Variants in MKRN2 observed in about 807,000 individuals in gnomAD.
MKRN2 encodes E3 ubiquitin-protein ligase makorin-2.
Under a neutral mutation model 45.4 loss-of-function variants are expected in MKRN2, and 32 were observed. That is an observed-to-expected ratio of 0.70 (90% CI 0.53 to 0.95). The LOEUF (loss-of-function observed/expected upper bound fraction) is 0.95. Among genes scored for constraint, MKRN2 ranks in the 40% least tolerant of loss-of-function variants. MKRN2 has a pLI of 0.00. For synonymous variants in MKRN2, 206 were observed against 192.4 expected (o/e 1.07, Z -0.59); for missense variants, 526 against 536.7 (o/e 0.98, Z 0.20).
intron 1 of MKRN2, among the ~76,000 whole-genome samples, chr3:12,566,454 TTC>T (rs34029961): frequency 0.59 from 88,510 of 151,168 alleles, 28,459 homozygotes; most frequent in African/African-American, 0.86. Flanking sequence ...GCAAGTTTGT[TTC>T]TCTCTCTCTC....
intron 1 of MKRN2, among the ~76,000 whole-genome samples, chr3:12,558,362 T>G (rs534744178): frequency 6.6e-6 from 1 of 152,350 alleles, no homozygotes; most frequent in Admixed American, 6.5e-5. Flanking sequence ...TGTGTTTACG[T>G]ATTTTTATTT....
intron 4 of MKRN2, among the ~76,000 whole-genome samples, chr3:12,574,588 C>G (rs913277235): frequency 1.3e-5 from 2 of 152,180 alleles, no homozygotes; most frequent in African/African-American, 4.8e-5. Context: ...AGGGGCTGGA[C>G]CAGTGATGGT....
rs771144793 is a variant in MKRN2 at position 12,582,206 on chromosome 3, G to T, written c.1204G>T (p.Gly402Trp). The T allele has an allele frequency of 1.9e-6, 3 of 1,614,038 alleles. No homozygotes were observed. Among genetic ancestry groups the T allele is most frequent in the Non-Finnish European group, 2.5e-6 (3 of 1,180,012 alleles). The change falls in exon 8 of 8, where the codon GGG (glycine) becomes TGG (tryptophan). Residue 402 changes from glycine to tryptophan, a missense_variant. Gly to Trp is a radical substitution (Grantham distance 184, BLOSUM62 -2). Transcript: ENST00000170447. ...NNEDVDMTEL[G>W]DLFMHLSGVE... is the part of the protein sequence containing the mutation. ...TGAAGATGTCGACATGACAGAGCTC[G>T]GGGACCTCTTCATGCACCTTTCTGG...
intron 2 of MKRN2, among the ~76,000 whole-genome samples, chr3:12,569,579 C>A (rs908076033): frequency 6.6e-6 from 1 of 152,188 alleles, no homozygotes; most frequent in Non-Finnish European, 1.5e-5. Flanking sequence ...TCTTTTCTTT[C>A]TAGACTGCAA....
intron 6 of MKRN2, 35 bp from the exon 7 acceptor site, chr3:12,581,773 C>A: frequency 6.2e-7 from 1 of 1,610,620 alleles, no homozygotes; most frequent in South Asian, 1.1e-5. Flanking sequence ...CTCATTTTCC[C>A]ACCAGCCTCT....
At position 12,582,132 on chromosome 3, in the gene MKRN2, G is replaced by A. The variant is rs1317334247; in HGVS notation, c.1130G>A (p.Arg377Gln). 1.5e-5 allele frequency: 24 copies of A among 1,614,138 alleles called. No individual in the cohort carries two copies. The highest frequency in any genetic ancestry group is 1.3e-4 in the East Asian group (6 of 44,878). ...TTTTTGCAGTTCTTTAATTCAGTGC[G>A]GCTCTGGGATTTCATCGAGAACCGA... ...QGTVRFFNSVRLWDFIENRES... is the reference protein window; with the variant it reads ...QGTVRFFNSVQLWDFIENRES... The change falls in exon 8 of 8, where the codon CGG (arginine) becomes CAG (glutamine). Residue 377 changes from arginine to glutamine, a missense_variant. By Grantham distance (43) the Arg-to-Gln change is conservative (BLOSUM62 1). Coordinates refer to ENST00000170447, the MANE Select transcript of MKRN2 (RefSeq NM_014160.5).
At chr3:12,579,181 C>A (rs1020639874) in intron 6 of MKRN2, among the ~76,000 whole-genome samples, 12 of 152,066 alleles carry the variant, frequency 7.9e-5, no homozygotes, top group Admixed American at 2.0e-4. Flanking sequence ...AAGACAATTT[C>A]TTTTTTCTTT....
At chr3:12,581,467 A>G (rs1639207917) in intron 6 of MKRN2, among the ~76,000 whole-genome samples, 1 of 152,164 alleles carries the variant, frequency 6.6e-6, no homozygotes, top group African/African-American at 2.4e-5. Flanking sequence ...AGGAGTGACC[A>G]GGCCTGGCTT....
chr3:12,571,997 A>G lies in MKRN2; in HGVS notation c.338-72A>G. 2.1e-6 allele frequency: 3 copies of G among 1,431,128 alleles called. No homozygotes were observed. In the East Asian group the frequency reaches 7.3e-5, roughly 35 times the overall value. 88.7% of individuals were successfully genotyped at this position (1,431,128 alleles called of 1,614,324 possible). On this transcript the variant is annotated intron_variant, in intron 3 of 7. Coordinates refer to ENST00000170447, the MANE Select transcript of MKRN2 (RefSeq NM_014160.5). ...TTAGGTCAGAGTAGCTTAATATGTTAGGCTTTGGCTAACGGCATACCAGAA... is the reference window on the plus strand; with the variant it reads ...TTAGGTCAGAGTAGCTTAATATGTTGGGCTTTGGCTAACGGCATACCAGAA...
intron 1 of MKRN2, among the ~76,000 whole-genome samples, chr3:12,568,127 A>G (rs1025421617): frequency 6.6e-6 from 1 of 152,212 alleles, no homozygotes; most frequent in Non-Finnish European, 1.5e-5. Flanking sequence ...TTTGTGTTAG[A>G]TGATTTGGCC....
chr3:12,567,522 CTT>C lies in MKRN2; in HGVS notation c.27-1352_27-1351del, dbSNP rs2058076593. 3.9e-5 allele frequency among the ~76,000 whole-genome samples: 4 copies of C among 103,520 alleles called. No homozygotes were observed. In the South Asian group the frequency reaches 1.3e-3, roughly 32 times the overall value. 67.9% of individuals were successfully genotyped at this position (103,520 alleles called of 152,430 possible). A position where few individuals can be genotyped will look rare whatever the true frequency, so the allele number is the denominator to read the frequency against. On this transcript the variant is annotated intron_variant, in intron 1 of 7. Transcript: ENST00000170447. Reference sequence around the variant, plus strand: ...TTTTTTTTGAGACAGAGTTTTTGCTCTTGTCACCCAGGCTGGAGTGCAATGGC... The same window carrying C: ...TTTTTTTTGAGACAGAGTTTTTGCTCGTCACCCAGGCTGGAGTGCAATGGC...
intron 1 of MKRN2, among the ~76,000 whole-genome samples, chr3:12,558,491 A>G (rs1170851619): frequency 2.0e-5 from 3 of 152,224 alleles, no homozygotes; most frequent in Non-Finnish European, 2.9e-5. Flanking sequence ...TAATTCTACC[A>G]TTTATTCCCG....
chr3:12,562,413 T>G (rs1559386534), intron 1 of MKRN2, among the ~76,000 whole-genome samples: 2 of 152,250 alleles, frequency 1.3e-5, no homozygotes, highest in African/African-American at 2.4e-5. Context: ...GTAACTCTCT[T>G]CTGTGCATTT....
Position 12,583,275 on chromosome 3 carries a change from A to G in MKRN2, c.*1022A>G, listed in dbSNP as rs1416869659. On this transcript the variant is annotated 3_prime_UTR_variant, in exon 8 of 8. Coordinates refer to ENST00000170447, the MANE Select transcript of MKRN2 (RefSeq NM_014160.5). ...TTGAAGGGTGAGCATAACCTTGTGA[A>G]CCAGCACTAGCTTGTTCCAAGCTGG... 4 of 152,716 alleles carry G rather than the reference A, an allele frequency of 2.6e-5. No individual in the cohort carries two copies. The highest frequency in any genetic ancestry group is 5.9e-5 in the Non-Finnish European group (4 of 68,328). 9.5% of individuals were successfully genotyped at this position (152,716 alleles called of 1,614,324 possible). A position where few individuals can be genotyped will look rare whatever the true frequency, so the allele number is the denominator to read the frequency against.
At chr3:12,558,131 G>A (rs2057999016) in intron 1 of MKRN2, among the ~76,000 whole-genome samples, 1 of 152,234 alleles carries the variant, frequency 6.6e-6, no homozygotes. Flanking sequence ...GTAATAAACA[G>A]TTTATTTTCT....
intron 5 of MKRN2, among the ~76,000 whole-genome samples, chr3:12,576,189 ATGTGTGTG>A (rs59197804): frequency 0.063 from 9,047 of 143,250 alleles, 594 homozygotes; most frequent in African/African-American, 0.16. Context: ...GAAACCATAT[ATGTGTGTG>A]TGTGTGTGTG....
Position 12,576,707 on chromosome 3 carries a change from A to G in MKRN2, c.934A>G (p.Asn312Asp). The G allele has an allele frequency of 6.2e-7, 1 of 1,609,536 alleles. No individual in the cohort carries two copies. The highest frequency in any genetic ancestry group is 1.3e-5 in the African/African-American group (1 of 74,880). ...TTGGGTGGAAGATCAGAATAAAAAGAACGAGTTGATTGAAGCTTTCAAACA... is the reference window on the plus strand; with the variant it reads ...TTGGGTGGAAGATCAGAATAAAAAGGACGAGTTGATTGAAGCTTTCAAACA... Reference protein sequence around the residue: ...VYWVEDQNKKNELIEAFKQGM... With the variant: ...VYWVEDQNKKDELIEAFKQGM... Residue 312 changes from asparagine to aspartate, a missense_variant, in exon 6 of 8, where the codon AAC becomes GAC. Coordinates refer to ENST00000170447, the MANE Select transcript of MKRN2 (RefSeq NM_014160.5).
At chr3:12,576,852 TC>T (rs2058140848) in intron 6 of MKRN2, 111 bp downstream of exon 6, 2 of 633,368 alleles carry the variant, frequency 3.2e-6, no homozygotes, top group Non-Finnish European at 5.5e-6. Flanking sequence ...CTTCCTCTCT[TC>T]CTTCTCTCAG....
chr3:12,570,082 C>T lies in MKRN2; in HGVS notation c.167C>T (p.Thr56Met), dbSNP rs773116580. 9.3e-6 allele frequency: 15 copies of T among 1,610,594 alleles called. No individual in the cohort carries two copies. The highest frequency in any genetic ancestry group is 1.3e-5 in the Non-Finnish European group (15 of 1,178,868). Reference sequence around the variant, plus strand: ...TGTGTTTTGTTTAGATATGACCACACGAGGCCCTCTGCTGCAGCTGGAGGT... The same window carrying T: ...TGTGTTTTGTTTAGATATGACCACATGAGGCCCTCTGCTGCAGCTGGAGGT... Reference protein sequence around the residue: ...AYGTRCRYDHTRPSAAAGGAV... With the variant: ...AYGTRCRYDHMRPSAAAGGAV... The change falls in exon 3 of 8, where the codon ACG (threonine) becomes ATG (methionine). Residue 56 changes from threonine (T) to methionine (M), a missense_variant. Coordinates refer to ENST00000170447, the MANE Select transcript of MKRN2 (RefSeq NM_014160.5).
Sources: gnomAD v4.1 joint callset for allele counts (sites outside exome capture counted in the v4.1 genomes callset) on GRCh38, gnomAD v4.1.1 for gene constraint, MANE v1.5 for transcripts, NCBI Gene and HGNC (gene_info 2026-07-23, HGNC 2026-07-21) for gene names.